TFPI: variants seen among roughly 807,000 people sequenced by gnomAD.
TFPI encodes the protein tissue factor pathway inhibitor.
A neutral mutation model predicts 34.6 loss-of-function variants in TFPI; 15 were observed. The observed-to-expected ratio is 0.43, with a 90% CI of 0.29 to 0.67. The LOEUF (loss-of-function observed/expected upper bound fraction) is 0.67. TFPI is among the 30% of genes least tolerant of loss of function. The pLI is 0.15. For synonymous variants in TFPI, 105 were observed against 120.1 expected, an observed-to-expected ratio of 0.87 and a Z score of 0.82; for missense variants, 301 against 364.0, an observed-to-expected ratio of 0.83 and a Z score of 1.41.
chr2:187,489,101 G>T (rs1684925003), intron 3 of TFPI, among the ~76,000 whole-genome samples: 1 of 151,436 alleles, frequency 6.6e-6, no homozygotes, highest in Non-Finnish European at 1.5e-5. Flanking sequence ...TTATTTTGTT[G>T]TGGAATTATT....
chr2:187,489,903 C>T (rs1381510518), intron 3 of TFPI, among the ~76,000 whole-genome samples: 1 of 151,496 alleles, frequency 6.6e-6, no homozygotes, highest in Non-Finnish European at 1.5e-5. Flanking sequence ...AAAAGATTTA[C>T]AGCAAATTAT....
At chr2:187,536,886 G>C (rs1688288052) in intron 1 of TFPI, among the ~76,000 whole-genome samples, 2 of 152,184 alleles carry the variant, frequency 1.3e-5, no homozygotes. Context: ...CTTCAGCAAA[G>C]TCTCAGGATA....
At chr2:187,542,521 A>G (rs1014367782) in intron 1 of TFPI, among the ~76,000 whole-genome samples, 1 of 152,128 alleles carries the variant, frequency 6.6e-6, no homozygotes, top group Non-Finnish European at 1.5e-5. Flanking sequence ...TAAAAATGTG[A>G]AGGTTTGATG....
chr2:187,534,163 G>GA (rs1318890455), intron 1 of TFPI, among the ~76,000 whole-genome samples: 2 of 152,156 alleles, frequency 1.3e-5, no homozygotes, highest in Non-Finnish European at 2.9e-5. Flanking sequence ...TTATCCAGGA[G>GA]AACTTCCCCA....
chr2:187,486,668 A>C (rs1394201452), intron 4 of TFPI, among the ~76,000 whole-genome samples: 1 of 151,558 alleles, frequency 6.6e-6, no homozygotes, highest in African/African-American at 2.4e-5. Flanking sequence ...GTTGCAAATC[A>C]AAAAATTAAT....
chr2:187,546,636 C>T (rs1447108089), intron 1 of TFPI: 1 of 151,810 alleles, frequency 6.6e-6, no homozygotes, highest in East Asian at 1.9e-4. Context: ...TTATAATTAC[C>T]ATACATATTA....
intron 2 of TFPI, 134 bp downstream of exon 2, chr2:187,503,514 A>T (rs1215680086): frequency 2.0e-6 from 2 of 1,014,000 alleles, no homozygotes; most frequent in Non-Finnish European, 2.9e-6. Flanking sequence ...CATTAGGTAT[A>T]ATAAATTTCC....
At chr2:187,514,548 G>A (rs2106177101) in intron 1 of TFPI, 1 of 152,346 alleles carries the variant, frequency 6.6e-6, no homozygotes, top group Admixed American at 6.5e-5. Context: ...TTGGAGACCT[G>A]AAGGGATGCA....
chr2:187,521,755 G>GACAGGGTTTCACCATGTTGGCC (rs1368237024), intron 1 of TFPI, among the ~76,000 whole-genome samples: 5 of 151,954 alleles, frequency 3.3e-5, no homozygotes, highest in African/African-American at 1.2e-4. Flanking sequence ...TTTTAGTAGA[G>GACAGGGTTTCACCATGTTGGCC]ACAGGGTTTC....
Position 187,552,452 on chromosome 2 carries a change from G to A in TFPI, c.-3+1748C>T, listed in dbSNP as rs148568250. Among the ~76,000 whole-genome samples, 776 of 152,106 alleles carry A rather than the reference G, an allele frequency of 5.1e-3. 32 individuals are homozygous for A. Among genetic ancestry groups the A allele is most frequent in the Admixed American group, 0.046 (706 of 15,280 alleles). On this transcript the variant is annotated intron_variant, in intron 1 of 7. Transcript: ENST00000233156. ...AAAATTAGAGTTTATTACAAAATAT[G>A]TTATCATTTTATGTATTATTAATTT...
chr2:187,503,854 C>T, intron 1 of TFPI, 84 bp from the exon 2 acceptor site: 2 of 1,447,002 alleles, frequency 1.4e-6, no homozygotes, highest in Middle Eastern at 1.8e-4. Flanking sequence ...ATATGTGTAC[C>T]TCATATGCAA....
At chr2:187,473,952 GA>G (rs1692210550) in intron 6 of TFPI, among the ~76,000 whole-genome samples, 1 of 152,068 alleles carries the variant, frequency 6.6e-6, no homozygotes, top group African/African-American at 2.4e-5. Flanking sequence ...CACATATTAA[GA>G]GGGAAGGAAA....
At chr2:187,481,926 AC>A (rs1230715566) in intron 6 of TFPI, among the ~76,000 whole-genome samples, 1 of 152,042 alleles carries the variant, frequency 6.6e-6, no homozygotes, top group African/African-American at 2.4e-5. Flanking sequence ...TTAATAATTT[AC>A]TTTTACAAGC....
chr2:187,530,734 A>G (rs1265688416), intron 1 of TFPI, among the ~76,000 whole-genome samples: 1 of 152,178 alleles, frequency 6.6e-6, no homozygotes, highest in Non-Finnish European at 1.5e-5. Flanking sequence ...CTCTTTAAAT[A>G]TGGGAATCAT....
At chr2:187,504,727 C>T (rs1686085011) in intron 1 of TFPI, among the ~76,000 whole-genome samples, 2 of 152,014 alleles carry the variant, frequency 1.3e-5, no homozygotes, top group Non-Finnish European at 2.9e-5. Context: ...GCCACCAGTG[C>T]CCTTCCAGTC....
chr2:187,552,650 T>A (rs1026870950), intron 1 of TFPI, among the ~76,000 whole-genome samples: 1 of 151,282 alleles, frequency 6.6e-6, no homozygotes, highest in East Asian at 1.9e-4. Context: ...TCCAAAGGAG[T>A]TTTGATTTAG....
intron 6 of TFPI, among the ~76,000 whole-genome samples, chr2:187,469,197 A>G (rs1171711213): frequency 1.3e-5 from 2 of 152,138 alleles, no homozygotes; most frequent in African/African-American, 4.8e-5. Context: ...AATAAAAAAT[A>G]TTCTGGGAAA....
chr2:187,528,356 A>G (rs1308843407), intron 1 of TFPI, among the ~76,000 whole-genome samples: 3 of 152,230 alleles, frequency 2.0e-5, no homozygotes, highest in African/African-American at 7.2e-5. Context: ...TTGAAAATCT[A>G]TTAAGTATTA....
At chr2:187,491,437 A>G (rs548997199) in intron 3 of TFPI, among the ~76,000 whole-genome samples, 2 of 152,198 alleles carry the variant, frequency 1.3e-5, no homozygotes, top group Admixed American at 6.5e-5. Context: ...AAATTAGAAC[A>G]TGTGGTATTT....
Sources: allele counts gnomAD v4.1 joint callset (sites outside exome capture counted in the v4.1 genomes callset), GRCh38; gene constraint gnomAD v4.1.1; transcripts MANE v1.5; gene names NCBI Gene and HGNC (gene_info 2026-07-23, HGNC 2026-07-21).